CADM2: variants seen among roughly 807,000 people sequenced by gnomAD.
CADM2 encodes immunoglobulin superfamily member 4D.
A neutral mutation model predicts 49.8 loss-of-function variants in CADM2; 12 were observed. That is an observed-to-expected ratio of 0.24 (90% CI 0.15 to 0.39). The LOEUF (loss-of-function observed/expected upper bound fraction) is 0.39. Among genes scored for constraint, CADM2 ranks in the 10% least tolerant of loss-of-function variants. The pLI, the probability that CADM2 is intolerant of heterozygous loss-of-function variation, is 1.00. For synonymous variants in CADM2, 214 were observed against 175.4 expected, an observed-to-expected ratio of 1.22 and a Z score of -1.74; for missense variants, 378 against 492.3, an observed-to-expected ratio of 0.77 and a Z score of 2.20.
rs1362385671 is a variant in CADM2 at position 84,959,577 on chromosome 3, G to A, written c.-31G>A. The A allele has an allele frequency of 6.5e-7, 1 of 1,535,018 alleles. No individual in the cohort carries two copies. The highest frequency in any genetic ancestry group is 8.7e-7 in the Non-Finnish European group (1 of 1,145,120). ...CTCACCAGCATCTACTTGCCCCCTC[G>A]TTCCTTCCCCAGCCCTTTAGAGAAG... On this transcript the variant is annotated 5_prime_UTR_variant, in exon 1 of 10. Coordinates refer to ENST00000383699, the MANE Select transcript of CADM2 (RefSeq NM_001167675.2).
At chr3:84,992,550 A>G (rs1159759935) in intron 1 of CADM2, among the ~76,000 whole-genome samples, 1 of 152,024 alleles carries the variant, frequency 6.6e-6, no homozygotes, top group Non-Finnish European at 1.5e-5. Context: ...AATCACTTGA[A>G]CCCAGGAGGC....
At chr3:85,784,740 G>C (rs181505809) in intron 2 of CADM2, among the ~76,000 whole-genome samples, 35 of 152,206 alleles carry the variant, frequency 2.3e-4, no homozygotes, top group African/African-American at 6.3e-4. Context: ...TTAGCCTGTA[G>C]TTTTTGCCTT....
chr3:85,245,126 C>A (rs571895787), intron 1 of CADM2, among the ~76,000 whole-genome samples: 1 of 152,024 alleles, frequency 6.6e-6, no homozygotes, highest in South Asian at 2.1e-4. Context: ...GCCATGTGAA[C>A]CATCAAAGGA....
intron 1 of CADM2, among the ~76,000 whole-genome samples, chr3:85,561,192 T>A (rs1254677117): frequency 1.3e-5 from 2 of 152,068 alleles, no homozygotes; most frequent in African/African-American, 2.4e-5. Flanking sequence ...CATGTTCAGA[T>A]TTTTCAGATG....
At chr3:85,552,771 G>A (rs982290844) in intron 1 of CADM2, among the ~76,000 whole-genome samples, 4 of 151,828 alleles carry the variant, frequency 2.6e-5, no homozygotes, top group Admixed American at 1.3e-4. Flanking sequence ...CTGCCTCCCG[G>A]GTTCAAGTGA....
At chr3:84,986,768 A>T (rs2032584944) in intron 1 of CADM2, among the ~76,000 whole-genome samples, 1 of 151,620 alleles carries the variant, frequency 6.6e-6, no homozygotes, top group South Asian at 2.1e-4. Context: ...ATAAAATAAA[A>T]AAAAAAGAAG....
chr3:85,787,572 A>T (rs978253836), intron 2 of CADM2, among the ~76,000 whole-genome samples: 1 of 152,152 alleles, frequency 6.6e-6, no homozygotes, highest in Non-Finnish European at 1.5e-5. Context: ...TTATATTAAA[A>T]GTTGGCCTTC....
intron 6 of CADM2, among the ~76,000 whole-genome samples, chr3:85,915,112 T>A (rs1269776856): frequency 6.6e-6 from 1 of 152,142 alleles, no homozygotes; most frequent in African/African-American, 2.4e-5. Context: ...GCTGCCAAGG[T>A]CATTTTCACT....
intron 1 of CADM2, among the ~76,000 whole-genome samples, chr3:85,070,601 A>C (rs1005357633): frequency 2.6e-5 from 4 of 152,188 alleles, no homozygotes; most frequent in Admixed American, 1.3e-4. Flanking sequence ...AAAACGAAAG[A>C]AAGTTAAATA....
intron 2 of CADM2, among the ~76,000 whole-genome samples, chr3:85,728,050 T>A (rs2107787696): frequency 6.6e-6 from 1 of 152,236 alleles, no homozygotes; most frequent in Non-Finnish European, 1.5e-5. Flanking sequence ...CCTCTAGTAA[T>A]CAATTACTCT....
At chr3:85,108,090 A>G (rs1575883561) in intron 1 of CADM2, among the ~76,000 whole-genome samples, 1 of 152,162 alleles carries the variant, frequency 6.6e-6, no homozygotes, top group East Asian at 1.9e-4. Context: ...AGAATAATTT[A>G]AAGCAGGCAC....
intron 1 of CADM2, among the ~76,000 whole-genome samples, chr3:85,624,461 T>G (rs1041968952): frequency 2.6e-5 from 4 of 152,026 alleles, no homozygotes; most frequent in Non-Finnish European, 4.4e-5. Context: ...GCCTCCTGAG[T>G]AGTTGAGATT....
intron 1 of CADM2, among the ~76,000 whole-genome samples, chr3:84,975,369 C>A (rs2031751234): frequency 6.6e-6 from 1 of 151,528 alleles, no homozygotes; most frequent in Non-Finnish European, 1.5e-5. Flanking sequence ...TAAGAGAAAA[C>A]TTATAAGGGA....
At chr3:85,989,059 AT>A (rs1553718661) in intron 8 of CADM2, among the ~76,000 whole-genome samples, 1 of 152,118 alleles carries the variant, frequency 6.6e-6, no homozygotes, top group South Asian at 2.1e-4. Context: ...TCTTAGTACA[AT>A]TTTTTTCTCT....
chr3:85,409,792 G>A (rs1418850828), intron 1 of CADM2, among the ~76,000 whole-genome samples: 1 of 152,056 alleles, frequency 6.6e-6, no homozygotes, highest in Non-Finnish European at 1.5e-5. Context: ...CCTGTCACTA[G>A]ATGTGAAAGA....
intron 1 of CADM2, among the ~76,000 whole-genome samples, chr3:85,186,906 C>T (rs2041079114): frequency 6.6e-6 from 1 of 152,088 alleles, no homozygotes; most frequent in Non-Finnish European, 1.5e-5. Context: ...CTTTAATATG[C>T]TTTGAAAAAG....
chr3:85,928,158 AT>A (rs11328574), intron 6 of CADM2, among the ~76,000 whole-genome samples: 61,969 of 130,498 alleles, frequency 0.47, 12,250 homozygotes, highest in East Asian at 0.64. Flanking sequence ...TAAAAGAAGA[AT>A]TTTTTTTTTT....
chr3:85,779,692 A>T (rs9824971), intron 2 of CADM2, among the ~76,000 whole-genome samples: 22,028 of 152,122 alleles, frequency 0.14, 2,023 homozygotes, highest in Non-Finnish European at 0.2. Flanking sequence ...ACAATTCAAG[A>T]TGAGATTTGG....
At chr3:85,534,057 G>A (rs1486001855) in intron 1 of CADM2, among the ~76,000 whole-genome samples, 1 of 152,134 alleles carries the variant, frequency 6.6e-6, no homozygotes, top group East Asian at 1.9e-4. Flanking sequence ...TTACTCAGAT[G>A]TGTAGCATAT....
Sources: gnomAD v4.1 joint callset for allele counts (sites outside exome capture counted in the v4.1 genomes callset) on GRCh38, gnomAD v4.1.1 for gene constraint, MANE v1.5 for transcripts, NCBI Gene and HGNC (gene_info 2026-07-23, HGNC 2026-07-21) for gene names.